The following VAT1L variants were observed in gnomAD, a reference collection of about 807,000 sequenced individuals.
The protein encoded by VAT1L is vesicle amine transport 1 like, also known as putative NADPH-dependent quinone oxidoreductase VAT1L.
A neutral mutation model predicts 44.1 loss-of-function variants in VAT1L; 34 were observed. That is an observed-to-expected ratio of 0.77 (90% CI 0.59 to 1.03). The LOEUF (loss-of-function observed/expected upper bound fraction) is 1.03, where lower values mean the gene tolerates loss of function less well. VAT1L is among the 50% of genes least tolerant of loss of function. VAT1L has a pLI of 0.00. For synonymous variants in VAT1L, 253 were observed against 202.2 expected (o/e 1.25, Z -2.13); for missense variants, 615 against 538.8 (o/e 1.14, Z -1.40).
At chr16:77,955,700 G>C (rs1232953512) in intron 7 of VAT1L, among the ~76,000 whole-genome samples, 1 of 149,288 alleles carries the variant, frequency 6.7e-6, no homozygotes, top group East Asian at 2.0e-4. Flanking sequence ...ACTCCGGCCT[G>C]GGTGACAGAG....
intron 4 of VAT1L, among the ~76,000 whole-genome samples, chr16:77,868,856 G>A (rs931635689): frequency 3.3e-5 from 5 of 152,038 alleles, no homozygotes; most frequent in African/African-American, 1.2e-4. Flanking sequence ...AGCATCCCTG[G>A]TCTCTACCCA....
chr16:77,968,778 G>A (rs2018249803), intron 7 of VAT1L, among the ~76,000 whole-genome samples: 2 of 152,040 alleles, frequency 1.3e-5, no homozygotes, highest in African/African-American at 4.8e-5. Flanking sequence ...ACGAGGGTTT[G>A]TGATAAAGGA....
chr16:77,956,347 G>A (rs1345810056), intron 7 of VAT1L, among the ~76,000 whole-genome samples: 1 of 152,074 alleles, frequency 6.6e-6, no homozygotes, highest in Non-Finnish European at 1.5e-5. Context: ...GAAGAAAAGG[G>A]GGCCTATTTT....
chr16:77,972,163 G>C (rs1342481827), intron 8 of VAT1L, among the ~76,000 whole-genome samples: 1 of 152,134 alleles, frequency 6.6e-6, no homozygotes, highest in Non-Finnish European at 1.5e-5. Context: ...CAATCTGAAG[G>C]CATAGGCAGG....
At chr16:77,908,863 G>A (rs958229808) in intron 7 of VAT1L, among the ~76,000 whole-genome samples, 2 of 152,110 alleles carry the variant, frequency 1.3e-5, no homozygotes. Context: ...GCAGTGAACC[G>A]AGATGGCGCT....
chr16:77,892,735 C>T, intron 7 of VAT1L: 1 of 747,506 alleles, frequency 1.3e-6, no homozygotes, highest in East Asian at 2.6e-5. Context: ...ATACTGGACC[C>T]AGCACAAATG....
At chr16:77,917,722 C>T (rs560045162) in intron 7 of VAT1L, among the ~76,000 whole-genome samples, 13 of 152,308 alleles carry the variant, frequency 8.5e-5, no homozygotes, top group Non-Finnish European at 1.5e-4. Context: ...CCTTGCCTTT[C>T]TGGTTCCAGT....
chr16:77,865,876 G>A (rs1215807113), intron 4 of VAT1L, among the ~76,000 whole-genome samples: 6 of 152,186 alleles, frequency 3.9e-5, no homozygotes, highest in African/African-American at 9.6e-5. Flanking sequence ...GAGAACTCCT[G>A]CCTGCTCCAT....
chr16:77,817,115 A>T, intron 2 of VAT1L, 65 bp downstream of exon 2: 1 of 1,567,756 alleles, frequency 6.4e-7, no homozygotes, highest in African/African-American at 1.4e-5. Flanking sequence ...ACAAAAGATG[A>T]TGCAGAAAGA....
intron 7 of VAT1L, among the ~76,000 whole-genome samples, chr16:77,921,285 C>T (rs929097456): frequency 1.3e-5 from 2 of 152,166 alleles, no homozygotes; most frequent in African/African-American, 4.8e-5. Context: ...CATGGAATTG[C>T]TTTTACTGAA....
At chr16:77,960,757 C>G (rs977117832) in intron 7 of VAT1L, among the ~76,000 whole-genome samples, 1 of 152,098 alleles carries the variant, frequency 6.6e-6, no homozygotes, top group African/African-American at 2.4e-5. Flanking sequence ...GGTTGCAGCC[C>G]AGGACCCCTC....
intron 3 of VAT1L, among the ~76,000 whole-genome samples, chr16:77,848,321 T>C (rs182670732): frequency 6.6e-6 from 1 of 152,284 alleles, no homozygotes; most frequent in Non-Finnish European, 1.5e-5. Context: ...AAGCTCCTCT[T>C]GCACCAGGTA....
chr16:77,835,089 A>G (rs1320819204), intron 3 of VAT1L, among the ~76,000 whole-genome samples: 1 of 152,112 alleles, frequency 6.6e-6, no homozygotes, highest in Non-Finnish European at 1.5e-5. Context: ...CCCTCCATCA[A>G]AGCAACTGGT....
chr16:77,795,057 A>G (rs2015903367), intron 1 of VAT1L, among the ~76,000 whole-genome samples: 1 of 152,132 alleles, frequency 6.6e-6, no homozygotes, highest in Non-Finnish European at 1.5e-5. Flanking sequence ...TGACCCCATC[A>G]TTTGAACCCA....
intron 7 of VAT1L, among the ~76,000 whole-genome samples, chr16:77,951,030 A>G (rs555118851): frequency 6.6e-6 from 1 of 152,330 alleles, no homozygotes; most frequent in African/African-American, 2.4e-5. Flanking sequence ...GAGAAAAGAC[A>G]CAGCAGCGCC....
intron 2 of VAT1L, 60 bp downstream of exon 2, chr16:77,817,110 A>C: frequency 1.3e-6 from 2 of 1,571,498 alleles, no homozygotes; most frequent in Non-Finnish European, 1.7e-6. Flanking sequence ...AGACAACAAA[A>C]GATGATGCAG....
intron 7 of VAT1L, among the ~76,000 whole-genome samples, chr16:77,953,593 C>T (rs980283817): frequency 1.3e-5 from 2 of 152,004 alleles, no homozygotes; most frequent in African/African-American, 4.8e-5. Context: ...CAGGCTGGAG[C>T]ACAGTGGTGC....
chr16:77,923,689 C>A (rs903913603), intron 7 of VAT1L, among the ~76,000 whole-genome samples: 1 of 152,194 alleles, frequency 6.6e-6, no homozygotes, highest in Non-Finnish European at 1.5e-5. Flanking sequence ...GGGAGATGGA[C>A]AAAGGCTTCT....
chr16:77,897,398 G>A (rs937397992), intron 7 of VAT1L, among the ~76,000 whole-genome samples: 1 of 152,144 alleles, frequency 6.6e-6, no homozygotes, highest in African/African-American at 2.4e-5. Flanking sequence ...CTGCTGACAC[G>A]AGGCATATTA....
Sources: gnomAD v4.1 joint callset for allele counts (sites outside exome capture counted in the v4.1 genomes callset) on GRCh38, gnomAD v4.1.1 for gene constraint, MANE v1.5 for transcripts, NCBI Gene and HGNC (gene_info 2026-07-23, HGNC 2026-07-21) for gene names.